SGCD: variants seen among roughly 807,000 people sequenced by gnomAD.
The protein encoded by SGCD is sarcoglycan delta.
Under a neutral mutation model 36.6 loss-of-function variants are expected in SGCD, and 18 were observed. The observed-to-expected ratio is 0.49, with a 90% CI of 0.34 to 0.73. SGCD has a LOEUF of 0.73. Among genes scored for constraint, SGCD ranks in the 30% least tolerant of loss-of-function variants. The probability of loss-of-function intolerance (pLI) is 0.01; values close to 1 mark genes in which losing one functional copy is unlikely to be tolerated. For missense variants in SGCD, 387 were observed against 346.7 expected (o/e 1.12, Z -0.92); for synonymous variants, 133 against 130.6 (o/e 1.02, Z -0.12).
intron 1 of SGCD, among the ~76,000 whole-genome samples, chr5:155,979,936 G>T (rs1259328444): frequency 6.6e-6 from 1 of 152,094 alleles, no homozygotes; most frequent in Non-Finnish European, 1.5e-5. Context: ...TTATATGAAT[G>T]GTATTAGGAG....
chr5:156,741,521 A>C (rs145958163), intron 7 of SGCD, among the ~76,000 whole-genome samples: 2 of 149,750 alleles, frequency 1.3e-5, no homozygotes, highest in African/African-American at 5.1e-5. Flanking sequence ...TGTGCCACGA[A>C]AGGAAGGTTT....
chr5:156,204,812 G>A (rs1193544827), intron 3 of SGCD, among the ~76,000 whole-genome samples: 1 of 152,056 alleles, frequency 6.6e-6, no homozygotes, highest in Admixed American at 6.6e-5. Context: ...CAAGATGTAA[G>A]TCGTAAGTAG....
chr5:156,344,901 C>T (rs1768869693), intron 3 of SGCD, among the ~76,000 whole-genome samples: 1 of 152,166 alleles, frequency 6.6e-6, no homozygotes, highest in Non-Finnish European at 1.5e-5. Context: ...AGATATTTCC[C>T]TCCTTTAGAA....
At chr5:156,226,622 A>G (rs1764866146) in intron 3 of SGCD, among the ~76,000 whole-genome samples, 5 of 152,146 alleles carry the variant, frequency 3.3e-5, no homozygotes, top group Admixed American at 1.3e-4. Flanking sequence ...TCCTACTTTT[A>G]GTTCTTTAAG....
chr5:156,191,778 T>G (rs2127632792), intron 3 of SGCD, among the ~76,000 whole-genome samples: 1 of 152,226 alleles, frequency 6.6e-6, no homozygotes, highest in East Asian at 1.9e-4. Flanking sequence ...CCAATGGGTC[T>G]TGGGGCTCAG....
intron 3 of SGCD, among the ~76,000 whole-genome samples, chr5:156,293,975 G>A (rs191322126): frequency 2.7e-4 from 41 of 152,176 alleles, no homozygotes; most frequent in Admixed American, 7.2e-4. Flanking sequence ...CATGAGGTGC[G>A]TTTCCATTTA....
intron 3 of SGCD, among the ~76,000 whole-genome samples, chr5:156,406,092 C>G (rs1282543863): frequency 6.7e-6 from 1 of 148,838 alleles, no homozygotes; most frequent in East Asian, 2.0e-4. Context: ...AGCAGCTGGT[C>G]CGTGGCATTA....
intron 4 of SGCD, among the ~76,000 whole-genome samples, chr5:156,584,159 A>G (rs373863856): frequency 2.0e-5 from 3 of 152,214 alleles, no homozygotes; most frequent in African/African-American, 7.2e-5. Flanking sequence ...CTCCAAGCAC[A>G]TAGTCTTTCT....
the SGCD span, among the ~76,000 whole-genome samples, chr5:155,840,262 G>A: frequency 8.1e-6 from 1 of 122,966 alleles, no homozygotes; most frequent in African/African-American, 3.1e-5. Flanking sequence ...TTTTTCTTTT[G>A]AGCCGGAGTC....
intron 3 of SGCD, among the ~76,000 whole-genome samples, chr5:156,272,491 A>G (rs778243604): frequency 7.2e-5 from 11 of 152,184 alleles, no homozygotes; most frequent in Non-Finnish European, 1.3e-4. Flanking sequence ...ATGTGTGTGC[A>G]TATGTCTTTT....
chr5:156,374,656 C>T (rs976803947), intron 3 of SGCD, among the ~76,000 whole-genome samples: 1 of 140,006 alleles, frequency 7.1e-6, no homozygotes, highest in African/African-American at 2.7e-5. Flanking sequence ...TACAAAGCAA[C>T]CCTGTCTTTT....
At chr5:156,508,483 A>G in intron 3 of SGCD, 118 bp from the exon 4 acceptor site, 1 of 647,460 alleles carries the variant, frequency 1.5e-6, no homozygotes, top group Non-Finnish European at 2.8e-6. Context: ...ACCCGTCCTC[A>G]TTCCACACCT....
intron 3 of SGCD, among the ~76,000 whole-genome samples, chr5:156,163,700 T>C (rs1015262948): frequency 2.0e-5 from 3 of 151,548 alleles, no homozygotes; most frequent in African/African-American, 7.3e-5. Flanking sequence ...TTTCTGGTTT[T>C]GGAATCTACC....
chr5:156,566,929 G>A (rs1454638720), intron 4 of SGCD, among the ~76,000 whole-genome samples: 1 of 152,100 alleles, frequency 6.6e-6, no homozygotes, highest in African/African-American at 2.4e-5. Flanking sequence ...ACATACTAGT[G>A]AGTTCTAATC....
intron 2 of SGCD, among the ~76,000 whole-genome samples, chr5:156,343,112 C>CA (rs5872457): frequency 0.49 from 72,804 of 148,448 alleles, 17,827 homozygotes; most frequent in East Asian, 0.79. Flanking sequence ...ATCTAAAAAC[C>CA]AAAAAAAAAA....
intron 4 of SGCD, 64 bp from the exon 5 acceptor site, chr5:156,589,167 A>G (rs1760616849): frequency 9.0e-6 from 11 of 1,216,606 alleles, no homozygotes; most frequent in South Asian, 7.9e-5. Context: ...GAGAGTTGTA[A>G]TGACAGTTCT....
intron 7 of SGCD, among the ~76,000 whole-genome samples, chr5:156,749,118 T>G (rs968538337): frequency 2.0e-5 from 3 of 152,220 alleles, no homozygotes; most frequent in Middle Eastern, 3.4e-3. Flanking sequence ...TATAAGATTG[T>G]CAGTTCAAAA....
At chr5:155,737,612 G>A in the SGCD span, among the ~76,000 whole-genome samples, 5 of 152,184 alleles carry the variant, frequency 3.3e-5, no homozygotes, top group African/African-American at 1.2e-4. Flanking sequence ...AGAAAGTAAG[G>A]ATTGGGAGGC....
At chr5:155,899,802 C>T (rs1864956) in intron 1 of SGCD, among the ~76,000 whole-genome samples, 48,564 of 151,892 alleles carry the variant, frequency 0.32, 8,821 homozygotes, top group Admixed American at 0.46. Flanking sequence ...TATAGGAGAG[C>T]TATTGTAAAT....
Sources: allele counts gnomAD v4.1 joint callset (sites outside exome capture counted in the v4.1 genomes callset), GRCh38; gene constraint gnomAD v4.1.1; transcripts MANE v1.5; gene names NCBI Gene and HGNC (gene_info 2026-07-23, HGNC 2026-07-21).